Variants in POLR1C observed in about 807,000 individuals in gnomAD.
The protein encoded by POLR1C is RNA polymerase I and III subunit C, also known as DNA-directed RNA polymerases I and III subunit RPAC1.
POLR1C carries 42 observed loss-of-function variants against 38.3 expected under a neutral mutation model. The ratio of observed to expected loss-of-function variants is 1.10; its 90% CI spans 0.86 to 1.42. POLR1C has a LOEUF of 1.42. POLR1C is among the 40% of genes most tolerant of loss of function. The pLI, the probability that POLR1C is intolerant of heterozygous loss-of-function variation, is 0.00. For missense variants in POLR1C, 507 were observed against 450.5 expected, an observed-to-expected ratio of 1.13 and a Z score of -1.14; for synonymous variants, 163 against 163.9, an observed-to-expected ratio of 0.99 and a Z score of 0.04.
chr6:43,524,808 T>TC (rs1193871224), downstream of POLR1C: 6 of 1,611,796 alleles, frequency 3.7e-6, no homozygotes, highest in African/African-American at 6.7e-5. Flanking sequence ...CAGCCATCCT[T>TC]CCCCCATGCC....
rs1394130433 is a variant in POLR1C at position 43,519,794 on chromosome 6, T to TGC, written c.338_339insGC (p.Ile113MetfsTer24). 1 of 1,614,198 alleles carries TGC rather than the reference T, an allele frequency of 6.2e-7. No individual in the cohort carries two copies. The highest frequency in any genetic ancestry group is 8.5e-7 in the Non-Finnish European group (1 of 1,180,018). On this transcript the variant is annotated frameshift_variant, in exon 4 of 9. Coordinates refer to ENST00000642195, the MANE Select transcript of POLR1C (RefSeq NM_203290.4). LOFTEE classifies it high-confidence loss of function. ...ATTCTTGCTCACCGTCTGGGGCTCA[T>TGC]TCCCATTCATGCTGATCCCCGTCTT...
chr6:43,519,538 A>G, intron 3 of POLR1C, 98 bp downstream of exon 3: 1 of 1,387,402 alleles, frequency 7.2e-7, no homozygotes, highest in Non-Finnish European at 1.0e-6. Context: ...TTCCCTCCTT[A>G]ATTTTCCTGG....
At chr6:43,518,863 G>A (rs900456252) in intron 2 of POLR1C, among the ~76,000 whole-genome samples, 5 of 152,108 alleles carry the variant, frequency 3.3e-5, no homozygotes, top group Admixed American at 2.0e-4. Flanking sequence ...TGTATTTTTG[G>A]TAGAGACGGG....
intron 9 of POLR1C, among the ~76,000 whole-genome samples, chr6:43,544,571 C>G (rs1447877970): frequency 1.3e-5 from 2 of 152,120 alleles, no homozygotes; most frequent in Admixed American, 1.3e-4. Flanking sequence ...AGCTTCTTGC[C>G]CTATGATTTC....
At chr6:43,548,364 CCAGGGCTTCCAT>C in intron 9 of POLR1C, 1 of 1,613,660 alleles carries the variant, frequency 6.2e-7, no homozygotes, top group Non-Finnish European at 8.5e-7. Context: ...CTAATGAGAA[CCAGGGCTTCCAT>C]GAGGGCACAC....
intron 8 of POLR1C, chr6:43,529,032 T>A: frequency 8.5e-7 from 1 of 1,175,652 alleles, no homozygotes; most frequent in Non-Finnish European, 1.2e-6. Flanking sequence ...ATTTGCCAGA[T>A]GTCAAAAATA....
intron 10 of POLR1C, among the ~76,000 whole-genome samples, chr6:43,557,077 G>A (rs887306654): frequency 4.8e-5 from 7 of 146,742 alleles, no homozygotes; most frequent in Non-Finnish European, 8.9e-5. Flanking sequence ...GCAGTGAGCC[G>A]AGAGTGTGTC....
At chr6:43,522,890 A>G (rs1194789001), downstream of POLR1C, 1 of 191,324 alleles carries the variant, frequency 5.2e-6, no homozygotes, top group Non-Finnish European at 1.2e-5. Flanking sequence ...CTCACAGTAC[A>G]GGTTGTGATG....
intron 8 of POLR1C, chr6:43,527,511 AT>A: frequency 1.1e-6 from 1 of 930,148 alleles, no homozygotes; most frequent in South Asian, 1.6e-5. Flanking sequence ...TGACCTCGCA[AT>A]CCACCATGCC....
chr6:43,520,702 G>A lies in POLR1C; in HGVS notation c.733G>A (p.Val245Met), dbSNP rs772343871. ...GCCAGACATCACCCTGCTTGAGCCC[G>A]TGGAAGGGGAGGCAGCTGAGGAGTT... ...LLPDITLLEP[V>M]EGEAAEELSR... The change falls in exon 7 of 9, where the codon GTG becomes ATG. Residue 245 changes from valine to methionine, a missense_variant. Transcript: ENST00000642195. 11 of 1,614,050 alleles carry A rather than the reference G, an allele frequency of 6.8e-6. No homozygotes were observed. The highest frequency in any genetic ancestry group is 6.7e-5 in the African/African-American group (5 of 74,926).
Position 43,520,129 on chromosome 6 carries a change from A to C in POLR1C, c.446A>C (p.Asn149Thr). 1 of 1,614,148 alleles carries C rather than the reference A, an allele frequency of 6.2e-7. No homozygotes were observed. The highest frequency in any genetic ancestry group is 8.5e-7 in the Non-Finnish European group (1 of 1,180,014). ...CGTCTCCAGGTCAGATGCACTCGGA[A>C]CCCCCATGCTGCTAAAGATTCCTCT... ...QFRLQVRCTR[N>T]PHAAKDSSDP... Residue 149 changes from asparagine (N) to threonine (T), a missense_variant, in exon 5 of 9, where the codon AAC becomes ACC. Physicochemically the swap from Asn to Thr is moderately conservative, Grantham distance 65. Coordinates refer to ENST00000642195, the MANE Select transcript of POLR1C (RefSeq NM_203290.4).
intron 9 of POLR1C, chr6:43,547,282 T>C: frequency 2.4e-6 from 1 of 415,316 alleles, no homozygotes; most frequent in Non-Finnish European, 4.5e-6. Flanking sequence ...CTTAAGACTT[T>C]ACATGCCAGA....
intron 10 of POLR1C, among the ~76,000 whole-genome samples, chr6:43,557,913 T>C (rs536305353): frequency 1.7e-4 from 26 of 150,424 alleles, no homozygotes; most frequent in African/African-American, 5.4e-4. Flanking sequence ...CTGACCAACA[T>C]GGAGAAACCC....
At chr6:43,517,757 C>G (rs1364340704) in intron 2 of POLR1C, among the ~76,000 whole-genome samples, 2 of 152,116 alleles carry the variant, frequency 1.3e-5, no homozygotes, top group East Asian at 3.9e-4. Flanking sequence ...TAAAAAAGAA[C>G]AGGAGTTAAA....
downstream of POLR1C, chr6:43,523,585 C>G (rs564515094): frequency 1.6e-6 from 1 of 614,200 alleles, no homozygotes; most frequent in Non-Finnish European, 3.1e-6. Context: ...AAGGGCTGCT[C>G]TGCTCTAGCT....
chr6:43,534,226 A>G (rs1794175161), downstream of POLR1C, among the ~76,000 whole-genome samples: 1 of 152,210 alleles, frequency 6.6e-6, no homozygotes, highest in African/African-American at 2.4e-5. Context: ...AAGATAAATT[A>G]ACATGAGAAC....
At position 43,519,851 on chromosome 6, in the gene POLR1C, A is replaced by G. The variant is rs1233461901; in HGVS notation, c.382+13A>G. 5 of 1,612,628 alleles carry G rather than the reference A, an allele frequency of 3.1e-6. No homozygotes were observed. Among genetic ancestry groups the G allele is most frequent in the Non-Finnish European group, 4.2e-6 (5 of 1,179,234 alleles). ...TATCGGAACCAAGGTGAGAAAATGA[A>G]ATTTTGGGAGAAGTGGACTATCTGG... is the stretch of plus-strand genomic sequence containing the variant. On this transcript the variant is annotated intron_variant, in intron 4 of 8. Coordinates refer to ENST00000642195, the MANE Select transcript of POLR1C (RefSeq NM_203290.4).
chr6:43,547,564 C>T (rs1337733035), intron 9 of POLR1C: 2 of 1,578,928 alleles, frequency 1.3e-6, no homozygotes, highest in Non-Finnish European at 1.7e-6. Context: ...CACCCTACTC[C>T]TACCCATGGC....
At chr6:43,546,865 T>A (rs1794989015) in intron 9 of POLR1C, 1 of 1,071,170 alleles carries the variant, frequency 9.3e-7, no homozygotes, top group South Asian at 1.8e-5. Context: ...CCAGAGAGAA[T>A]GAAATAATCC....
Sources: allele counts gnomAD v4.1 joint callset (sites outside exome capture counted in the v4.1 genomes callset), GRCh38; gene constraint gnomAD v4.1.1; transcripts MANE v1.5; gene names NCBI Gene and HGNC (gene_info 2026-07-23, HGNC 2026-07-21).